The following CHD7 variants were observed in gnomAD, a reference collection of about 807,000 sequenced individuals.
CHD7 encodes ATP-dependent chromatin remodeler CHD7.
Under a neutral mutation model 307.3 loss-of-function variants are expected in CHD7, and 24 were observed. The observed-to-expected ratio is 0.08, with a 90% confidence interval of 0.06 to 0.11. CHD7 has a LOEUF of 0.11. Ranked by LOEUF, CHD7 falls within the 10% of genes least tolerant of loss-of-function variation. The pLI, the probability that CHD7 is intolerant of heterozygous loss-of-function variation, is 1.00. For missense variants in CHD7, 3,106 were observed against 3,727.1 expected (o/e 0.83, Z 4.34); for synonymous variants, 1,363 against 1,349.9 (o/e 1.01, Z -0.21).
chr8:60,686,697 G>A (rs935314286), intron 1 of CHD7, among the ~76,000 whole-genome samples: 1 of 152,120 alleles, frequency 6.6e-6, no homozygotes, highest in African/African-American at 2.4e-5. Context: ...TGTAGGGAAA[G>A]GTGTGCAATT....
chr8:60,745,083 C>T (rs1336457878), intron 2 of CHD7, among the ~76,000 whole-genome samples: 2 of 151,414 alleles, frequency 1.3e-5, no homozygotes, highest in Non-Finnish European at 1.5e-5. Flanking sequence ...TCTTATATAA[C>T]CTCAGGGCAG....
intron 15 of CHD7, among the ~76,000 whole-genome samples, chr8:60,831,921 T>C (rs1318101767): frequency 6.6e-6 from 1 of 152,174 alleles, no homozygotes; most frequent in Non-Finnish European, 1.5e-5. Flanking sequence ...CCGTTACTAA[T>C]GGACAGAGTA....
chr8:60,786,491 G>A (rs1811497345), intron 3 of CHD7, among the ~76,000 whole-genome samples: 1 of 152,230 alleles, frequency 6.6e-6, no homozygotes. Flanking sequence ...GGACTCCAAA[G>A]CAGTGGCCTT....
intron 1 of CHD7, among the ~76,000 whole-genome samples, 176 bp from the exon 2 acceptor site, chr8:60,741,083 C>G (rs1052476352): frequency 6.6e-6 from 1 of 152,206 alleles, no homozygotes; most frequent in Non-Finnish European, 1.5e-5. Flanking sequence ...CTGGTAGAAG[C>G]TAATGAGTTT....
intron 33 of CHD7, 111 bp from the exon 34 acceptor site, chr8:60,856,334 T>C: frequency 7.9e-7 from 1 of 1,264,924 alleles, no homozygotes; most frequent in Non-Finnish European, 1.1e-6. Context: ...TGTGCACCAG[T>C]CATGAATGCT....
chr8:60,738,950 C>T (rs1325380042), intron 1 of CHD7, among the ~76,000 whole-genome samples: 1 of 152,184 alleles, frequency 6.6e-6, no homozygotes, highest in Non-Finnish European at 1.5e-5. Context: ...TCAGGCAGGG[C>T]TGTTTTTCCC....
At chr8:60,825,510 A>T (rs1179043449) in intron 13 of CHD7, 1 of 152,260 alleles carries the variant, frequency 6.6e-6, no homozygotes, top group Non-Finnish European at 1.5e-5. Context: ...CATATGGAAA[A>T]GAGAAACTCT....
Position 60,844,923 on chromosome 8 carries a change from A to T in CHD7, c.4910A>T (p.Gln1637Leu). 6.2e-7 allele frequency: 1 copy of T among 1,613,614 alleles called. No homozygotes were observed. The highest frequency in any genetic ancestry group is 1.7e-4 in the Middle Eastern group (1 of 6,060). Residue 1637 changes from glutamine (Q) to leucine (L), a missense_variant, in exon 22 of 38, where the codon CAA becomes CTA. Physicochemically the swap from Gln to Leu is moderately radical, Grantham distance 113. Transcript: ENST00000423902. ...CGCTATAAACGCCAACTCACTGAGCAAGATGTAGAAACCATCTGCAGAACC... is the reference window on the plus strand; with the variant it reads ...CGCTATAAACGCCAACTCACTGAGCTAGATGTAGAAACCATCTGCAGAACC... The part of the protein sequence containing the change: ...HGRYKRQLTE[Q>L]DVETICRTIL...
chr8:60,733,778 CT>C (rs1225246780), intron 1 of CHD7, among the ~76,000 whole-genome samples: 222 of 138,438 alleles, frequency 1.6e-3, no homozygotes, highest in African/African-American at 4.1e-3. Context: ...AAAAGAACAG[CT>C]TTTTTTTTTT....
intron 7 of CHD7, among the ~76,000 whole-genome samples, chr8:60,808,529 C>A (rs1044690757): frequency 6.6e-6 from 1 of 152,138 alleles, no homozygotes; most frequent in African/African-American, 2.4e-5. Context: ...ATAAAAACTT[C>A]TACAATAATA....
At chr8:60,713,684 G>C (rs1477702926) in intron 1 of CHD7, among the ~76,000 whole-genome samples, 1 of 152,116 alleles carries the variant, frequency 6.6e-6, no homozygotes, top group African/African-American at 2.4e-5. Flanking sequence ...TGGAGGAGGT[G>C]GTGGGCGTTC....
At chr8:60,696,596 T>A (rs1369145005) in intron 1 of CHD7, among the ~76,000 whole-genome samples, 1 of 152,184 alleles carries the variant, frequency 6.6e-6, no homozygotes, top group Non-Finnish European at 1.5e-5. Flanking sequence ...CAACTAATGT[T>A]AATTATTTGG....
At chr8:60,836,714 T>G (rs563569810) in intron 16 of CHD7, 103 bp from the exon 17 acceptor site, 1 of 818,030 alleles carries the variant, frequency 1.2e-6, no homozygotes, top group East Asian at 2.9e-5. Flanking sequence ...CATATTAGTC[T>G]TTTTAATATA....
At chr8:60,830,240 T>C (rs948710713) in intron 14 of CHD7, 82 bp from the exon 15 acceptor site, 20 of 1,376,796 alleles carry the variant, frequency 1.5e-5, no homozygotes, top group Non-Finnish European at 1.9e-5. Context: ...ATGAATGAGA[T>C]AATCCTGATG....
chr8:60,756,910 T>C (rs1369285779), intron 2 of CHD7, among the ~76,000 whole-genome samples: 1 of 152,238 alleles, frequency 6.6e-6, no homozygotes, highest in Non-Finnish European at 1.5e-5. Context: ...TGCTTAATTT[T>C]ATGTTACATG....
chr8:60,741,724 C>T lies in CHD7; in HGVS notation c.292C>T (p.Leu98Phe). 6.2e-7 allele frequency: 1 copy of T among 1,614,004 alleles called. No individual in the cohort carries two copies. Reference sequence around the variant, plus strand: ...GATGAGCAACACCCCTGGGAACGGACTCGCGTCTCCGCACTCGCAGTATCA... The same window carrying T: ...GATGAGCAACACCCCTGGGAACGGATTCGCGTCTCCGCACTCGCAGTATCA... ...RMMSNTPGNGLASPHSQYHTP... is the reference protein window; with the variant it reads ...RMMSNTPGNGFASPHSQYHTP... The change falls in exon 2 of 38, where the codon CTC becomes TTC. Residue 98 changes from leucine to phenylalanine, a missense_variant. Transcript: ENST00000423902.
intron 1 of CHD7, among the ~76,000 whole-genome samples, chr8:60,688,235 A>G (rs1806012331): frequency 6.6e-6 from 1 of 152,194 alleles, no homozygotes. Flanking sequence ...ACGGGTGTGA[A>G]TCATAAAAAT....
chr8:60,818,120 T>C (rs542746686), intron 8 of CHD7, among the ~76,000 whole-genome samples: 6 of 152,322 alleles, frequency 3.9e-5, no homozygotes, highest in African/African-American at 1.4e-4. Flanking sequence ...CTCCCTCTCT[T>C]TTATACATGA....
At chr8:60,857,202 C>G (rs1228938332) in intron 34 of CHD7, among the ~76,000 whole-genome samples, 1 of 152,112 alleles carries the variant, frequency 6.6e-6, no homozygotes, top group African/African-American at 2.4e-5. Flanking sequence ...TGAGGTGGAA[C>G]AAGTTTCATT....
Sources: gnomAD v4.1 joint callset for allele counts (sites outside exome capture counted in the v4.1 genomes callset) on GRCh38, gnomAD v4.1.1 for gene constraint, MANE v1.5 for transcripts, NCBI Gene and HGNC (gene_info 2026-07-23, HGNC 2026-07-21) for gene names.